STAC: variants seen among roughly 807,000 people sequenced by gnomAD.
STAC encodes the protein SH3 and cysteine rich domain, also known as SH3 and cysteine-rich domain-containing protein.
STAC carries 43 observed loss-of-function variants against 48.8 expected under a neutral mutation model. The observed-to-expected ratio is 0.88, with a 90% CI of 0.69 to 1.14. STAC has a LOEUF of 1.14. Among genes scored for constraint, STAC ranks in the 50% most tolerant of loss-of-function variants. The pLI, the probability that STAC is intolerant of heterozygous loss-of-function variation, is 0.00. For synonymous variants in STAC, 193 were observed against 179.5 expected (o/e 1.07, Z -0.60); for missense variants, 497 against 504.0 (o/e 0.99, Z 0.13).
chr3:36,421,489 G>C (rs1002983952), intron 1 of STAC, among the ~76,000 whole-genome samples: 4 of 151,880 alleles, frequency 2.6e-5, no homozygotes, highest in African/African-American at 9.7e-5. Context: ...CTTCTGACAG[G>C]ATACTTTAAC....
At chr3:36,534,243 A>G (rs1480001547) in intron 10 of STAC, among the ~76,000 whole-genome samples, 1 of 152,128 alleles carries the variant, frequency 6.6e-6, no homozygotes, top group East Asian at 1.9e-4. Context: ...CTCTCTCTTG[A>G]ACTTGATGTG....
chr3:36,498,868 C>G (rs2125710038), intron 6 of STAC, among the ~76,000 whole-genome samples: 1 of 152,152 alleles, frequency 6.6e-6, no homozygotes, highest in Non-Finnish European at 1.5e-5. Flanking sequence ...AAATCTATAC[C>G]TAGACGTAGG....
Position 36,460,847 on chromosome 3 carries a change from A to G in STAC, c.388+17207A>G, listed in dbSNP as rs142956237. Among the ~76,000 whole-genome samples the G allele has an allele frequency of 1.9e-3, 285 of 152,332 alleles. 2 individuals carry two copies. The highest frequency in any genetic ancestry group is 0.016 in the East Asian group (84 of 5,192). On this transcript the variant is annotated intron_variant, in intron 2 of 10. Transcript: ENST00000273183. ...AAATTTTCAAATGTCTTTCTCATAGATGTATAAAACACAATTCTAAAATTC... is the reference window on the plus strand; with the variant it reads ...AAATTTTCAAATGTCTTTCTCATAGGTGTATAAAACACAATTCTAAAATTC...
chr3:36,389,050 C>G (rs1325901738), intron 1 of STAC, among the ~76,000 whole-genome samples: 1 of 152,094 alleles, frequency 6.6e-6, no homozygotes, highest in African/African-American at 2.4e-5. Context: ...GAAATCTTTA[C>G]AATTATGAGA....
intron 7 of STAC, 87 bp from the exon 8 acceptor site, chr3:36,505,659 T>C (rs534338835): frequency 3.0e-4 from 253 of 851,420 alleles, no homozygotes; most frequent in Non-Finnish European, 4.4e-4. Flanking sequence ...TACATTGCAA[T>C]GACTTCTCCA....
intron 1 of STAC, among the ~76,000 whole-genome samples, chr3:36,387,856 T>G (rs1296360328): frequency 1.3e-5 from 2 of 152,132 alleles, no homozygotes; most frequent in African/African-American, 4.8e-5. Flanking sequence ...TAACCAGAAG[T>G]GCAATTGCTG....
rs536832062 is a variant in STAC, at chr3:36,431,893, A to T, written c.112-11471A>T. 5.6e-4 allele frequency among the ~76,000 whole-genome samples: 85 copies of T among 152,268 alleles called. No individual in the cohort carries two copies. The South Asian group carries it at 0.011, about 20-fold the overall frequency. ...TCTGCAAACTTCACTTCCTCTCAGT[A>T]TTCAGTAGAAAAAAGGGCTATTATT... On this transcript the variant is annotated intron_variant, in intron 1 of 10. Transcript: ENST00000273183.
chr3:36,440,862 G>A (rs566087198), intron 1 of STAC, among the ~76,000 whole-genome samples: 1 of 152,302 alleles, frequency 6.6e-6, no homozygotes, highest in Admixed American at 6.5e-5. Context: ...ATATTGTGTA[G>A]GGGGAGTCTG....
chr3:36,471,426 T>G (rs980066937), intron 2 of STAC, among the ~76,000 whole-genome samples: 2 of 152,224 alleles, frequency 1.3e-5, no homozygotes, highest in South Asian at 4.2e-4. Context: ...TCCTCACATT[T>G]CAAAACCAAT....
At chr3:36,447,579 C>T (rs1440768875) in intron 2 of STAC, among the ~76,000 whole-genome samples, 1 of 151,926 alleles carries the variant, frequency 6.6e-6, no homozygotes, top group Non-Finnish European at 1.5e-5. Context: ...CTGACCTCAT[C>T]CCATTGCTCA....
At chr3:36,477,835 T>C (rs994641098) in intron 2 of STAC, among the ~76,000 whole-genome samples, 1 of 152,224 alleles carries the variant, frequency 6.6e-6, no homozygotes, top group Non-Finnish European at 1.5e-5. Flanking sequence ...TGTGATGAGC[T>C]AGCCCCATGT....
intron 2 of STAC, among the ~76,000 whole-genome samples, chr3:36,472,346 G>T (rs1208362258): frequency 6.6e-6 from 1 of 152,206 alleles, no homozygotes; most frequent in Non-Finnish European, 1.5e-5. Context: ...GGGAGGGGCT[G>T]CCATGAAGAC....
chr3:36,480,656 C>T (rs1404141974), intron 2 of STAC, among the ~76,000 whole-genome samples: 1 of 152,194 alleles, frequency 6.6e-6, no homozygotes, highest in Non-Finnish European at 1.5e-5. Context: ...TGGGGCAAAT[C>T]TTCTACCACT....
At chr3:36,428,215 C>T (rs1366825807) in intron 1 of STAC, among the ~76,000 whole-genome samples, 1 of 152,114 alleles carries the variant, frequency 6.6e-6, no homozygotes, top group African/African-American at 2.4e-5. Context: ...TAACATGTTA[C>T]ATTAATGTTA....
intron 10 of STAC, among the ~76,000 whole-genome samples, chr3:36,531,135 A>C (rs1362475992): frequency 2.0e-5 from 3 of 152,166 alleles, no homozygotes; most frequent in African/African-American, 7.2e-5. Flanking sequence ...ATGCTGGGAG[A>C]CATTAGTCCA....
intron 2 of STAC, among the ~76,000 whole-genome samples, chr3:36,458,937 C>A (rs1458045149): frequency 6.6e-5 from 10 of 152,182 alleles, no homozygotes; most frequent in Non-Finnish European, 4.4e-5. Context: ...CCCTGAGATT[C>A]TGCATTCCTA....
chr3:36,394,363 A>G (rs577999691), intron 1 of STAC, among the ~76,000 whole-genome samples: 18 of 152,278 alleles, frequency 1.2e-4, no homozygotes, highest in Admixed American at 3.9e-4. Context: ...GCTTTGTCCT[A>G]TGGACTTCAT....
intron 3 of STAC, among the ~76,000 whole-genome samples, chr3:36,483,865 C>T (rs183089476): frequency 1.1e-4 from 17 of 152,278 alleles, no homozygotes; most frequent in Admixed American, 7.8e-4. Context: ...ATTAGAGGAT[C>T]GCTTGAGCCC....
At chr3:36,541,049 A>G (rs1173879449) in intron 10 of STAC, among the ~76,000 whole-genome samples, 1 of 152,150 alleles carries the variant, frequency 6.6e-6, no homozygotes, top group Non-Finnish European at 1.5e-5. Flanking sequence ...AAATTCTTCC[A>G]CATTTCTGCT....
Sources: gnomAD v4.1 joint callset for allele counts (sites outside exome capture counted in the v4.1 genomes callset) on GRCh38, gnomAD v4.1.1 for gene constraint, MANE v1.5 for transcripts, NCBI Gene and HGNC (gene_info 2026-07-23, HGNC 2026-07-21) for gene names.